The following DNAJC13 variants were observed in gnomAD, a reference collection of about 807,000 sequenced individuals.
DNAJC13 encodes DnaJ heat shock protein family (Hsp40) member C13, also known as dnaJ homolog subfamily C member 13.
Under a neutral mutation model 290.5 loss-of-function variants are expected in DNAJC13, and 75 were observed. The observed-to-expected ratio is 0.26, with a 90% CI of 0.21 to 0.31. DNAJC13 has a LOEUF of 0.31. Among genes scored for constraint, DNAJC13 ranks in the 10% least tolerant of loss-of-function variants. The pLI, the probability that DNAJC13 is intolerant of heterozygous loss-of-function variation, is 1.00. For synonymous variants in DNAJC13, 862 were observed against 892.0 expected, an observed-to-expected ratio of 0.97 and a Z score of 0.60; for missense variants, 2,260 against 2,674.5, an observed-to-expected ratio of 0.85 and a Z score of 3.42.
At chr3:132,485,300 G>C (rs72992366) in intron 29 of DNAJC13, among the ~76,000 whole-genome samples, 5,562 of 152,090 alleles carry the variant, frequency 0.037, 345 homozygotes, top group African/African-American at 0.12. Flanking sequence ...ACCACACCCA[G>C]CTACTTTGTT....
Position 132,446,568 on chromosome 3 carries a change from T to C in DNAJC13, c.144+18T>C. On this transcript the variant is annotated intron_variant, in intron 3 of 55. Coordinates refer to ENST00000260818, the MANE Select transcript of DNAJC13 (RefSeq NM_015268.4). Reference sequence around the variant, plus strand: ...CAAATCAGGTAATCCTGTTAGAAGCTGTTAGGTGTTTGTATGAACTCCCTT... The same window carrying C: ...CAAATCAGGTAATCCTGTTAGAAGCCGTTAGGTGTTTGTATGAACTCCCTT... The C allele has an allele frequency of 1.3e-6, 2 of 1,568,424 alleles. No individual in the cohort carries two copies. Among genetic ancestry groups the C allele is most frequent in the South Asian group, 2.3e-5 (2 of 85,108 alleles).
In DNAJC13 at chr3:132,490,927, ATACT is replaced by A; in HGVS notation, c.3501_3504del (p.Ile1167MetfsTer13). The A allele has an allele frequency of 6.2e-7, 1 of 1,607,602 alleles. No individual in the cohort carries two copies. The highest frequency in any genetic ancestry group is 2.2e-5 in the East Asian group (1 of 44,782). On this transcript the variant is annotated frameshift_variant, in exon 32 of 56. Coordinates refer to ENST00000260818, the MANE Select transcript of DNAJC13 (RefSeq NM_015268.4). LOFTEE classifies it high-confidence loss of function. Reference sequence around the variant, plus strand: ...AGGACAAGATATTTTTCAGAGAAGTATACTTGGGCACATTCTACCTGAAGCAATG... The same window carrying A: ...AGGACAAGATATTTTTCAGAGAAGTATGGGCACATTCTACCTGAAGCAATG...
At position 132,503,204 on chromosome 3, in the gene DNAJC13, T is replaced by A; in HGVS notation, c.4717-10T>A. 6.2e-7 allele frequency: 1 copy of A among 1,611,480 alleles called. No individual in the cohort carries two copies. On this transcript the variant is annotated splice_polypyrimidine_tract_variant and intron_variant, in intron 40 of 55. Transcript: ENST00000260818. ...GATCTACTTTAACAACTTAATTTTT[T>A]TTATAACAGGAGGTAGCAAACAGCC...
chr3:132,494,245 T>C lies in DNAJC13; in HGVS notation c.3927T>C (p.Pro1309=), dbSNP rs199948443. 3 of 1,612,626 alleles carry C rather than the reference T, an allele frequency of 1.9e-6. No homozygotes were observed. The highest frequency in any genetic ancestry group is 2.5e-6 in the Non-Finnish European group (3 of 1,179,206). ...ATGCTTATGAAGTGCTTAATCTGCC[T>C]CAAGGACAGGGACCGTGAGTTGTTT... is the stretch of plus-strand genomic sequence containing the variant. ...IDDAYEVLNL[P]QGQGPHDESK... The change falls in exon 34 of 56, where the codon CCT becomes CCC. Residue 1309 remains proline (P), a synonymous_variant. Coordinates refer to ENST00000260818, the MANE Select transcript of DNAJC13 (RefSeq NM_015268.4).
chr3:132,522,930 C>T lies in DNAJC13; in HGVS notation c.5776C>T (p.Pro1926Ser). 6.2e-7 allele frequency: 1 copy of T among 1,613,576 alleles called. No individual in the cohort carries two copies. The highest frequency in any genetic ancestry group is 8.5e-7 in the Non-Finnish European group (1 of 1,179,802). The change falls in exon 49 of 56, where the codon CCT becomes TCT. Residue 1926 changes from proline (P) to serine (S), a missense_variant. Around this residue, in one of 3 missense-constraint regions of DNAJC13, gnomAD observed 1,494 missense variants for 1,693.7 expected, o/e 0.88. Transcript: ENST00000260818. ...VHIFEGTHEN[P>S]ELIWNDNSRD... ...TATTTTTGAAGGAACTCATGAAAAT[C>T]CTGAGTTAATTTGGAATGATAATTC...
intron 1 of DNAJC13, among the ~76,000 whole-genome samples, chr3:132,424,468 T>C (rs968427168): frequency 1.3e-5 from 2 of 152,108 alleles, no homozygotes; most frequent in Non-Finnish European, 1.5e-5. Flanking sequence ...TCTTCAGATT[T>C]AGGGGTTGCT....
intron 46 of DNAJC13, among the ~76,000 whole-genome samples, chr3:132,515,132 A>G (rs1393973465): frequency 1.3e-5 from 2 of 152,160 alleles, no homozygotes; most frequent in Non-Finnish European, 2.9e-5. Context: ...TATTTCCTGA[A>G]CACAGCCTGC....
At chr3:132,455,543 T>C (rs1371680182) in intron 9 of DNAJC13, among the ~76,000 whole-genome samples, 3 of 152,096 alleles carry the variant, frequency 2.0e-5, no homozygotes, top group African/African-American at 7.2e-5. Flanking sequence ...TGAATGTTCG[T>C]AATATCATTA....
intron 41 of DNAJC13, among the ~76,000 whole-genome samples, chr3:132,503,981 A>G (rs996181443): frequency 6.7e-6 from 1 of 149,376 alleles, no homozygotes. Flanking sequence ...TTTAATTATA[A>G]AAAAAAAAAG....
At chr3:132,476,031 T>C (rs1336061477) in intron 22 of DNAJC13, among the ~76,000 whole-genome samples, 1 of 152,200 alleles carries the variant, frequency 6.6e-6, no homozygotes, top group Non-Finnish European at 1.5e-5. Context: ...CCTCATTGGC[T>C]CAAGCAATCC....
intron 1 of DNAJC13, among the ~76,000 whole-genome samples, chr3:132,420,079 A>G (rs977479273): frequency 3.9e-5 from 6 of 152,248 alleles, no homozygotes. Flanking sequence ...TTTGAGAGAC[A>G]GTGCTTACAG....
rs1402031408 is a variant in DNAJC13 at position 132,456,673 on chromosome 3, C to T, written c.1190C>T (p.Ser397Leu). 6.2e-7 allele frequency: 1 copy of T among 1,613,668 alleles called. No individual in the cohort carries two copies. Among genetic ancestry groups the T allele is most frequent in the Admixed American group, 1.7e-5 (1 of 59,940 alleles). ...TCTTTCTTCACCTAGGGTCTCTTCT[C>T]AGAAAACAAAGAAAAACTGATCAAT... Reference protein sequence around the residue: ...LHAVTQDGLFSENKEKLINNA... With the variant: ...LHAVTQDGLFLENKEKLINNA... Residue 397 changes from serine (S) to leucine (L), a missense_variant, in exon 12 of 56, where the codon TCA becomes TTA. Transcript: ENST00000260818.
intron 2 of DNAJC13, among the ~76,000 whole-genome samples, chr3:132,444,015 C>A (rs554977659): frequency 5.3e-5 from 8 of 152,288 alleles, no homozygotes; most frequent in African/African-American, 1.9e-4. Flanking sequence ...TCATTGCTAC[C>A]TTATTGCAGG....
intron 1 of DNAJC13, among the ~76,000 whole-genome samples, chr3:132,417,996 C>A (rs1023791345): frequency 6.6e-6 from 1 of 151,934 alleles, no homozygotes; most frequent in Admixed American, 6.6e-5. Flanking sequence ...AGCCCCACCC[C>A]TTTTTTTTGC....
rs998235315 is a variant in DNAJC13, at chr3:132,531,207, A to C, written c.6625+110A>C. 1.1e-5 allele frequency: 10 copies of C among 885,234 alleles called. No individual in the cohort carries two copies. In the African/African-American group the frequency reaches 1.7e-4, roughly 15 times the overall value. The allele number at this position is 885,234 out of a possible 1,614,324, so 54.8% of individuals were successfully genotyped here. A position where few individuals can be genotyped will look rare whatever the true frequency, so the allele number is the denominator to read the frequency against. On this transcript the variant is annotated intron_variant, in intron 55 of 55. Transcript: ENST00000260818. ...TGTTCAGAGTGTTTCTTAGGCTACC[A>C]GCTGACCTTTCTTGGAGGTGCTATG...
At chr3:132,473,294 GTTC>G in intron 21 of DNAJC13, 67 bp downstream of exon 21, 2 of 1,071,280 alleles carry the variant, frequency 1.9e-6, no homozygotes, top group Middle Eastern at 2.0e-4. Context: ...ATCATGACAC[GTTC>G]TTCTTCCCTG....
rs745533541 is a variant in DNAJC13, at chr3:132,502,407, T to G, written c.4655T>G (p.Phe1552Cys). The G allele has an allele frequency of 6.2e-7, 1 of 1,614,052 alleles. No individual in the cohort carries two copies. The highest frequency in any genetic ancestry group is 1.1e-5 in the South Asian group (1 of 91,070). The change falls in exon 40 of 56, where the codon TTT becomes TGT. Residue 1552 changes from phenylalanine to cysteine, a missense_variant. By Grantham distance (205) the Phe-to-Cys change is radical (BLOSUM62 -2). This residue lies in a region of DNAJC13 where 1,494 missense variants were observed against 1,693.7 expected (regional missense o/e 0.88). Coordinates refer to ENST00000260818, the MANE Select transcript of DNAJC13 (RefSeq NM_015268.4). ...GILWYLLGFL[F>C]NYDYTLEESG... Reference sequence around the variant, plus strand: ...TTGTGGTATCTCCTTGGTTTTCTGTTTAATTATGACTACACACTAGAAGAG... The same window carrying G: ...TTGTGGTATCTCCTTGGTTTTCTGTGTAATTATGACTACACACTAGAAGAG...
rs200719987 is a variant in DNAJC13 at position 132,447,489 on chromosome 3, C to G, written c.294+19C>G. 7.5e-4 allele frequency: 1,160 copies of G among 1,537,588 alleles called. 1 individual carries two copies. Among genetic ancestry groups the G allele is most frequent in the Non-Finnish European group, 9.6e-4 (1,104 of 1,151,470 alleles). ...AGCATTGGTAAGAAGATTCCATGTT[C>G]ATAAATAAAATTTCTTTCTTCTCTT... On this transcript the variant is annotated intron_variant, in intron 4 of 55. Coordinates refer to ENST00000260818, the MANE Select transcript of DNAJC13 (RefSeq NM_015268.4).
intron 43 of DNAJC13, among the ~76,000 whole-genome samples, chr3:132,510,383 T>G (rs1006876172): frequency 1.3e-5 from 2 of 152,116 alleles, no homozygotes; most frequent in Admixed American, 1.3e-4. Context: ...GAGTTTTTGC[T>G]TTCATTTTTT....
Sources: allele counts gnomAD v4.1 joint callset (sites outside exome capture counted in the v4.1 genomes callset), GRCh38; gene constraint gnomAD v4.1.1; regional missense constraint gnomAD v4.1.1; transcripts MANE v1.5; gene names NCBI Gene and HGNC (gene_info 2026-07-23, HGNC 2026-07-21).